Variants in NBEA observed in about 807,000 individuals in gnomAD.
The protein encoded by NBEA is lysosomal-trafficking regulator 2.
A neutral mutation model predicts 343.4 loss-of-function variants in NBEA; 44 were observed. The ratio of observed to expected loss-of-function variants is 0.13; its 90% CI spans 0.10 to 0.16. The LOEUF is 0.16. NBEA is among the 10% of genes least tolerant of loss of function. NBEA has a pLI of 1.00. For missense variants in NBEA, 2,555 were observed against 3,631.3 expected (o/e 0.70, Z 7.62); for synonymous variants, 1,175 against 1,238.7 (o/e 0.95, Z 1.08).
intron 41 of NBEA, among the ~76,000 whole-genome samples, chr13:35,507,007 A>C (rs181137994): frequency 1.2e-4 from 19 of 152,104 alleles, no homozygotes; most frequent in Non-Finnish European, 2.2e-4. Flanking sequence ...AGCTATCTCC[A>C]ATGACTTCTT....
intron 33 of NBEA, among the ~76,000 whole-genome samples, chr13:35,231,722 G>A (rs1470903661): frequency 6.6e-6 from 1 of 152,036 alleles, no homozygotes; most frequent in East Asian, 1.9e-4. Context: ...GACATAGAAA[G>A]CCTAATGTGC....
intron 1 of NBEA, among the ~76,000 whole-genome samples, chr13:34,981,539 C>A (rs1022501793): frequency 6.6e-6 from 1 of 152,038 alleles, no homozygotes; most frequent in African/African-American, 2.4e-5. Flanking sequence ...TAGGATAACC[C>A]CATGATGTAT....
At chr13:35,391,146 G>A (rs1305375975) in intron 38 of NBEA, among the ~76,000 whole-genome samples, 1 of 151,934 alleles carries the variant, frequency 6.6e-6, no homozygotes, top group East Asian at 1.9e-4. Context: ...TTGATGGCAC[G>A]CACCTGTGAT....
At chr13:35,242,893 G>A (rs770592897) in intron 34 of NBEA, among the ~76,000 whole-genome samples, 8 of 151,688 alleles carry the variant, frequency 5.3e-5, no homozygotes, top group Non-Finnish European at 1.0e-4. Context: ...TCTAACCTAC[G>A]AGAAATGCTA....
At chr13:35,455,275 TAA>T (rs1379405790) in intron 40 of NBEA, among the ~76,000 whole-genome samples, 1 of 151,964 alleles carries the variant, frequency 6.6e-6, no homozygotes, top group Non-Finnish European at 1.5e-5. Context: ...CAATATGTAA[TAA>T]GTTAAATTCA....
chr13:35,625,853 A>G (rs2083207586), intron 48 of NBEA, among the ~76,000 whole-genome samples: 1 of 152,216 alleles, frequency 6.6e-6, no homozygotes, highest in Non-Finnish European at 1.5e-5. Flanking sequence ...AGAAACCTGG[A>G]TAATACTAAC....
At chr13:35,053,936 A>G (rs755155543) in intron 6 of NBEA, among the ~76,000 whole-genome samples, 42 of 152,144 alleles carry the variant, frequency 2.8e-4, no homozygotes, top group Non-Finnish European at 4.6e-4. Flanking sequence ...GCCAAAAGCC[A>G]TAGAGCTAGT....
chr13:35,251,519 CTG>C lies in NBEA; in HGVS notation c.5776+18901_5776+18902del, dbSNP rs942720262. On this transcript the variant is annotated intron_variant, in intron 34 of 58. Coordinates refer to ENST00000379939, the MANE Select transcript of NBEA (RefSeq NM_001385012.1). The stretch of plus-strand genomic sequence containing the variant: ...CTTGTGGAGTGAGCAGCGGCCACCT[CTG>C]GGCTCATCCTGGACGTCATGTCCTT... 3 of 1,128,878 alleles carry C rather than the reference CTG, an allele frequency of 2.7e-6. No homozygotes were observed. The African/African-American group carries it at 4.9e-5, about 19-fold the overall frequency. 69.9% of individuals were successfully genotyped at this position (1,128,878 alleles called of 1,614,324 possible).
At chr13:35,097,484 G>A (rs2065397722) in intron 10 of NBEA, among the ~76,000 whole-genome samples, 1 of 151,802 alleles carries the variant, frequency 6.6e-6, no homozygotes, top group African/African-American at 2.4e-5. Flanking sequence ...ATACAATGAA[G>A]GAATATGTAT....
At chr13:35,483,301 C>T (rs2076187899) in intron 41 of NBEA, among the ~76,000 whole-genome samples, 2 of 151,942 alleles carry the variant, frequency 1.3e-5, no homozygotes, top group South Asian at 4.1e-4. Flanking sequence ...AAGTTAGCAA[C>T]ATTTGAGGCA....
intron 8 of NBEA, among the ~76,000 whole-genome samples, chr13:35,069,669 G>T (rs962564987): frequency 4.6e-5 from 7 of 151,944 alleles, no homozygotes; most frequent in African/African-American, 1.7e-4. Flanking sequence ...AAATGATTTT[G>T]CCAGTAATCA....
chr13:35,267,950 G>A (rs891127830), intron 34 of NBEA, among the ~76,000 whole-genome samples: 11 of 151,928 alleles, frequency 7.2e-5, no homozygotes, highest in Non-Finnish European at 1.0e-4. Context: ...CAGTGTGGTC[G>A]TTCCTAAAAA....
chr13:35,550,819 T>C, intron 42 of NBEA, 111 bp from the exon 43 acceptor site: 1 of 700,338 alleles, frequency 1.4e-6, no homozygotes, highest in Non-Finnish European at 2.4e-6. Flanking sequence ...TTCATGAAGA[T>C]TCATTAGCTT....
intron 38 of NBEA, among the ~76,000 whole-genome samples, chr13:35,386,638 A>G (rs945621090): frequency 2.0e-5 from 3 of 152,146 alleles, no homozygotes; most frequent in Admixed American, 6.5e-5. Context: ...TTATTTCCCA[A>G]AGTATTTTTT....
At chr13:35,277,033 A>G (rs1271477855) in intron 34 of NBEA, among the ~76,000 whole-genome samples, 1 of 152,236 alleles carries the variant, frequency 6.6e-6, no homozygotes, top group Non-Finnish European at 1.5e-5. Context: ...ACAATGCAAC[A>G]TAAGCATCTG....
intron 38 of NBEA, among the ~76,000 whole-genome samples, chr13:35,380,881 G>A (rs1032124932): frequency 2.6e-5 from 4 of 152,090 alleles, no homozygotes; most frequent in African/African-American, 9.7e-5. Context: ...CCACAATTGT[G>A]ATATTAGTCA....
At chr13:35,157,390 A>G (rs1593544159) in intron 21 of NBEA, 120 bp downstream of exon 21, 1 of 767,796 alleles carries the variant, frequency 1.3e-6, no homozygotes, top group South Asian at 3.9e-5. Flanking sequence ...CCTGTATCTC[A>G]GTTTTGTATT....
chr13:35,636,934 A>G (rs1169395973), intron 49 of NBEA, among the ~76,000 whole-genome samples: 1 of 152,210 alleles, frequency 6.6e-6, no homozygotes, highest in African/African-American at 2.4e-5. Context: ...ATTTATTGCA[A>G]TGAGACTCTA....
At chr13:35,270,400 C>T (rs2034036071) in intron 34 of NBEA, among the ~76,000 whole-genome samples, 1 of 152,172 alleles carries the variant, frequency 6.6e-6, no homozygotes, top group African/African-American at 2.4e-5. Context: ...GTCTACAGGT[C>T]CCAGCAAGAT....
Sources: gnomAD v4.1 joint callset for allele counts (sites outside exome capture counted in the v4.1 genomes callset) on GRCh38, gnomAD v4.1.1 for gene constraint, MANE v1.5 for transcripts, NCBI Gene and HGNC (gene_info 2026-07-23, HGNC 2026-07-21) for gene names.